Variants in MYH7B observed in about 807,000 individuals in gnomAD.
The protein encoded by MYH7B is myosin-7B.
A neutral mutation model predicts 234.5 loss-of-function variants in MYH7B; 205 were observed. That is an observed-to-expected ratio of 0.87 (90% CI 0.78 to 0.98). The LOEUF (loss-of-function observed/expected upper bound fraction) is 0.98. MYH7B is among the 50% of genes least tolerant of loss of function. MYH7B has a pLI of 0.00. For missense variants in MYH7B, 2,652 were observed against 2,633.4 expected, an observed-to-expected ratio of 1.01 and a Z score of -0.15; for synonymous variants, 1,193 against 1,105.0, an observed-to-expected ratio of 1.08 and a Z score of -1.58.
chr20:34,973,315 T>C (rs572744762), intron 2 of MYH7B, among the ~76,000 whole-genome samples: 1 of 152,354 alleles, frequency 6.6e-6, no homozygotes, highest in Non-Finnish European at 1.5e-5. Flanking sequence ...TGTTGATGTC[T>C]TCCTTGAGTA....
intron 2 of MYH7B, among the ~76,000 whole-genome samples, chr20:34,966,732 G>A (rs1041736242): frequency 2.0e-5 from 3 of 152,026 alleles, no homozygotes; most frequent in Admixed American, 6.6e-5. Flanking sequence ...AATTGCATGC[G>A]AATATACAAT....
exon 20 of MYH7B, chr20:34,989,806 C>A (rs569317507): frequency 1.2e-6 from 2 of 1,614,038 alleles, no homozygotes; most frequent in Non-Finnish European, 1.7e-6. Context: ...CGCCAGCTTC[C>A]GGGCCAAGCT....
intron 2 of MYH7B, among the ~76,000 whole-genome samples, 110 bp downstream of exon 2, chr20:34,958,322 G>T (rs1485472507): frequency 6.6e-6 from 1 of 152,194 alleles, no homozygotes; most frequent in African/African-American, 2.4e-5. Flanking sequence ...AAGGACTCTT[G>T]ACTAAGAATC....
At chr20:35,000,392 T>G (rs1450876037) in exon 39 of MYH7B, 3 of 1,599,554 alleles carry the variant, frequency 1.9e-6, no homozygotes, top group Non-Finnish European at 2.5e-6. Flanking sequence ...AGATGGAGGG[T>G]GACCTCAACG....
At chr20:34,985,151 G>A (rs751754482) in intron 13 of MYH7B, 22 bp downstream of exon 13, 48 of 1,611,340 alleles carry the variant, frequency 3.0e-5, no homozygotes, top group East Asian at 2.5e-4. Context: ...CCCTGCGGGC[G>A]GTGCAGGGGA....
At chr20:34,985,190 C>G (rs150143366) in intron 13 of MYH7B, 61 bp downstream of exon 13, 1 of 1,521,268 alleles carries the variant, frequency 6.6e-7, no homozygotes, top group African/African-American at 1.4e-5. Context: ...CACCCCAACT[C>G]GGCCTCTGTC....
chr20:34,987,355 C>T, intron 16 of MYH7B, 68 bp downstream of exon 16: 2 of 1,581,334 alleles, frequency 1.3e-6, no homozygotes, highest in Non-Finnish European at 1.7e-6. Flanking sequence ...TGGTTAACCC[C>T]AACTCTTGTC....
intron 16 of MYH7B, 132 bp downstream of exon 16, chr20:34,987,419 T>TA: frequency 7.0e-7 from 1 of 1,430,988 alleles, no homozygotes. Context: ...TCCAAACCCT[T>TA]ACCCTCCTGA....
chr20:34,966,721 C>A (rs914692624), intron 2 of MYH7B, among the ~76,000 whole-genome samples: 1 of 152,050 alleles, frequency 6.6e-6, no homozygotes, highest in Non-Finnish European at 1.5e-5. Flanking sequence ...CTATTGCTTA[C>A]AATTGCATGC....
intron 2 of MYH7B, among the ~76,000 whole-genome samples, chr20:34,967,719 C>A (rs1482758372): frequency 6.6e-6 from 1 of 152,186 alleles, no homozygotes; most frequent in Non-Finnish European, 1.5e-5. Flanking sequence ...GACTCCTGAA[C>A]CTTCAGAACA....
chr20:35,000,057 A>G (rs190925976), intron 38 of MYH7B, 151 bp downstream of exon 38: 43 of 926,846 alleles, frequency 4.6e-5, no homozygotes, highest in Non-Finnish European at 6.9e-5. Flanking sequence ...ATGCTAAAGG[A>G]CTTGCCCAAA....
chr20:34,987,581 TG>T lies in MYH7B; in HGVS notation c.1177del (p.Val393SerfsTer17). On this transcript the variant is annotated frameshift_variant, in exon 17 of 45. Transcript: ENST00000262873. LOFTEE classifies it high-confidence loss of function. ...GGTGCTGACAAGGCTGCCTACCTGA[TG>T]GGGGTCAGCAGTGGGGACCTCCTCA... 1 of 1,613,714 alleles carries T rather than the reference TG, an allele frequency of 6.2e-7. No individual in the cohort carries two copies. Among genetic ancestry groups the T allele is most frequent in the South Asian group, 1.1e-5 (1 of 91,014 alleles).
At chr20:34,988,806 CTTTTTTT>C (rs36001113) in intron 19 of MYH7B, among the ~76,000 whole-genome samples, 1 of 113,226 alleles carries the variant, frequency 8.8e-6, no homozygotes, top group African/African-American at 3.5e-5. Context: ...TCCTTTATCC[CTTTTTTT>C]TTTTTTTTTT....
chr20:34,971,247 G>A (rs1052250877), intron 2 of MYH7B, among the ~76,000 whole-genome samples: 1 of 152,176 alleles, frequency 6.6e-6, no homozygotes, highest in Non-Finnish European at 1.5e-5. Context: ...GAGCTGGTTG[G>A]CATGATGGCT....
At chr20:34,979,676 G>A (rs1213033606) in exon 7 of MYH7B, 10 of 1,614,154 alleles carry the variant, frequency 6.2e-6, no homozygotes, top group Non-Finnish European at 8.5e-6. Flanking sequence ...GATGGTGCGT[G>A]AAGCCGAGCT....
chr20:34,963,995 G>A (rs2081721295), intron 2 of MYH7B, among the ~76,000 whole-genome samples: 1 of 152,134 alleles, frequency 6.6e-6, no homozygotes, highest in South Asian at 2.1e-4. Context: ...GGCAGCAATT[G>A]TATGAGAGTT....
intron 15 of MYH7B, 51 bp from the exon 16 acceptor site, chr20:34,987,098 C>T (rs571241949): frequency 6.2e-7 from 1 of 1,610,656 alleles, no homozygotes; most frequent in African/African-American, 1.3e-5. Context: ...CCTGGCTGGA[C>T]CCTGGAGGAG....
chr20:34,986,220 G>A lies in MYH7B; in HGVS notation c.904+22G>A, dbSNP rs773362621. On this transcript the variant is annotated intron_variant, in intron 14 of 44. Coordinates refer to ENST00000262873, the Ensembl canonical transcript of MYH7B. ...CAGGGTGAGGGGCAGTACGATGAAG[G>A]GGGTGGGAGTCAGAACCTGGAGGGG... The A allele has an allele frequency of 1.8e-5, 28 of 1,554,936 alleles. No homozygotes were observed. The Middle Eastern group carries it at 5.0e-4, about 28-fold the overall frequency.
At chr20:34,979,322 G>A in intron 5 of MYH7B, 68 bp from the exon 6 acceptor site, 1 of 1,271,778 alleles carries the variant, frequency 7.9e-7, no homozygotes, top group Admixed American at 2.1e-5. Context: ...CCATGGCTTG[G>A]GAACTCCAGC....
Sources: gnomAD v4.1 joint callset for allele counts (sites outside exome capture counted in the v4.1 genomes callset) on GRCh38, gnomAD v4.1.1 for gene constraint, MANE v1.5 for transcripts, NCBI Gene and HGNC (gene_info 2026-07-23, HGNC 2026-07-21) for gene names.